The following MYT1L variants were observed in gnomAD, a reference collection of about 807,000 sequenced individuals.
MYT1L encodes myelin transcription factor 1-like protein.
A neutral mutation model predicts 126.7 loss-of-function variants in MYT1L; 12 were observed. That is an observed-to-expected ratio of 0.09 (90% CI 0.06 to 0.15). The LOEUF is 0.15. MYT1L is among the 10% of genes least tolerant of loss of function. The pLI, the probability that MYT1L is intolerant of heterozygous loss-of-function variation, is 1.00. For synonymous variants in MYT1L, 541 were observed against 604.2 expected (o/e 0.90, Z 1.53); for missense variants, 979 against 1,585.2 (o/e 0.62, Z 6.49).
chr2:2,007,805 A>AC, intron 4 of MYT1L, among the ~76,000 whole-genome samples: 1 of 152,202 alleles, frequency 6.6e-6, no homozygotes, highest in East Asian at 1.9e-4. Flanking sequence ...TTTTGCCTTT[A>AC]CCCTCAAGCT....
At position 1,811,995 on chromosome 2, in the gene MYT1L, G is replaced by C. The variant is rs945753940; in HGVS notation, c.3081-2828C>G. 6.6e-6 allele frequency among the ~76,000 whole-genome samples: 1 copy of C among 152,222 alleles called. No individual in the cohort carries two copies. The highest frequency in any genetic ancestry group is 1.5e-5 in the Non-Finnish European group (1 of 68,030). On this transcript the variant is annotated intron_variant, in intron 21 of 24. Transcript: ENST00000647738. This position sits in a 1 kb window ranked among gnomAD's most constrained non-coding sequence, Gnocchi z 4.4. Reference sequence around the variant, plus strand: ...TTTGTAAAATAAGAAGTTCTCAAAAGATCTGTTAAGGCTCTCCTAAAATAG... The same window carrying C: ...TTTGTAAAATAAGAAGTTCTCAAAACATCTGTTAAGGCTCTCCTAAAATAG...
chr2:2,017,747 T>G (rs2064583525), intron 4 of MYT1L, among the ~76,000 whole-genome samples: 2 of 152,140 alleles, frequency 1.3e-5, no homozygotes, highest in African/African-American at 4.8e-5. Flanking sequence ...CATCCATCCA[T>G]CCATCCATCT....
intron 18 of MYT1L, among the ~76,000 whole-genome samples, chr2:1,866,820 A>G (rs1573011878): frequency 5.3e-5 from 3 of 57,106 alleles, no homozygotes; most frequent in Non-Finnish European, 9.7e-5. Context: ...GGGGAGAGAG[A>G]GAGGGAGGGG....
At chr2:2,294,532 C>T (rs2095644233) in intron 1 of MYT1L, among the ~76,000 whole-genome samples, 1 of 152,056 alleles carries the variant, frequency 6.6e-6, no homozygotes, top group East Asian at 1.9e-4. Flanking sequence ...TGAACACATG[C>T]TGGAGACTGC....
intron 5 of MYT1L, among the ~76,000 whole-genome samples, chr2:1,990,742 A>G (rs2061391966): frequency 6.6e-6 from 1 of 152,140 alleles, no homozygotes. Flanking sequence ...TTCTGTGTGG[A>G]CTGCCAGGAC....
At chr2:1,891,986 G>A in intron 15 of MYT1L, 51 bp downstream of exon 15, 1 of 1,457,830 alleles carries the variant, frequency 6.9e-7, no homozygotes, top group Non-Finnish European at 9.0e-7. Context: ...TGGGTCCGCG[G>A]CCCGGCCTCC....
At chr2:2,153,479 G>T (rs1376520102) in intron 3 of MYT1L, among the ~76,000 whole-genome samples, 2 of 152,152 alleles carry the variant, frequency 1.3e-5, no homozygotes, top group Admixed American at 6.5e-5. Flanking sequence ...CGTGAGACTG[G>T]ATGAGAATCA....
rs188888024 is a variant in MYT1L, at chr2:2,139,507, T to A, written c.-304+33365A>T. Among the ~76,000 whole-genome samples the A allele has an allele frequency of 2.4e-4, 36 of 151,850 alleles. No individual in the cohort carries two copies. The East Asian group carries it at 5.6e-3, about 24-fold the overall frequency. On this transcript the variant is annotated intron_variant, in intron 3 of 24. Transcript: ENST00000647738. ...TACAAAAATTAGCTGGGCGTGGTGG[T>A]GCGTGCCTATAATCCCAGCTACTCG...
intron 3 of MYT1L, among the ~76,000 whole-genome samples, chr2:2,077,881 C>T (rs554144109): frequency 1.2e-4 from 18 of 152,200 alleles, no homozygotes; most frequent in Admixed American, 3.3e-4. Context: ...GCAGTGGTGA[C>T]GATAACTGCA....
At chr2:2,043,909 T>C (rs1042995361) in intron 4 of MYT1L, among the ~76,000 whole-genome samples, 2 of 152,182 alleles carry the variant, frequency 1.3e-5, no homozygotes, top group African/African-American at 2.4e-5. Flanking sequence ...GAGAATTTGA[T>C]GGATTAGAGA....
intron 8 of MYT1L, chr2:1,974,682 G>A (rs2060040035): frequency 6.6e-6 from 1 of 152,134 alleles, no homozygotes; most frequent in South Asian, 2.1e-4. Flanking sequence ...GAGTGTCTGC[G>A]TCTCTAAGGA....
At chr2:2,081,122 A>C (rs1041283457) in intron 3 of MYT1L, among the ~76,000 whole-genome samples, 1 of 152,216 alleles carries the variant, frequency 6.6e-6, no homozygotes, top group African/African-American at 2.4e-5. Flanking sequence ...ACCAAAAATC[A>C]TTGAATTATG....
chr2:2,096,790 C>T (rs1048836722), intron 3 of MYT1L, among the ~76,000 whole-genome samples: 2 of 152,306 alleles, frequency 1.3e-5, no homozygotes, highest in African/African-American at 4.8e-5. Flanking sequence ...GCCACGCTCC[C>T]AGGCAGAGGC....
At chr2:1,894,245 G>A (rs1404165550) in intron 14 of MYT1L, among the ~76,000 whole-genome samples, 1 of 152,296 alleles carries the variant, frequency 6.6e-6, no homozygotes, top group South Asian at 2.1e-4. Flanking sequence ...CCCTCCTCTA[G>A]GGAGCCCAGC....
chr2:1,921,351 T>C (rs1258787636), intron 10 of MYT1L, among the ~76,000 whole-genome samples: 1 of 152,188 alleles, frequency 6.6e-6, no homozygotes, highest in East Asian at 1.9e-4. Flanking sequence ...AGAACCTGCC[T>C]CATATTGAAA....
intron 2 of MYT1L, among the ~76,000 whole-genome samples, chr2:2,236,102 C>T (rs932088109): frequency 1.3e-5 from 2 of 151,696 alleles, no homozygotes; most frequent in African/African-American, 4.9e-5. Flanking sequence ...CACAACCCAA[C>T]CCAGTACATC....
At chr2:2,015,944 A>G (rs951798244) in intron 4 of MYT1L, among the ~76,000 whole-genome samples, 1 of 152,238 alleles carries the variant, frequency 6.6e-6, no homozygotes, top group African/African-American at 2.4e-5. Context: ...GCTCGCTGCA[A>G]TCATGGTACA....
intron 13 of MYT1L, among the ~76,000 whole-genome samples, chr2:1,904,787 C>T (rs1435131997): frequency 6.9e-6 from 1 of 145,688 alleles, no homozygotes; most frequent in Non-Finnish European, 1.5e-5. Flanking sequence ...CGAACCACCA[C>T]GCCTGGCTAA....
intron 21 of MYT1L, among the ~76,000 whole-genome samples, chr2:1,838,616 A>G (rs763576292): frequency 2.6e-5 from 4 of 152,220 alleles, no homozygotes; most frequent in Non-Finnish European, 5.9e-5. Flanking sequence ...CCGACTGCAC[A>G]ATCTGACTGC....
Sources: gnomAD v4.1 joint callset for allele counts (sites outside exome capture counted in the v4.1 genomes callset) on GRCh38, gnomAD v4.1.1 for gene constraint, Gnocchi (gnomAD v3.1) non-coding constraint, MANE v1.5 for transcripts, NCBI Gene and HGNC (gene_info 2026-07-23, HGNC 2026-07-21) for gene names.